The following KCNN2 variants were observed in gnomAD, a reference collection of about 807,000 sequenced individuals.
The protein encoded by KCNN2 is small conductance calcium-activated potassium channel protein 2.
A neutral mutation model predicts 55.5 loss-of-function variants in KCNN2; 24 were observed. That is an observed-to-expected ratio of 0.43 (90% CI 0.31 to 0.61). KCNN2 has a LOEUF of 0.61. Ranked by LOEUF, KCNN2 falls within the 20% of genes least tolerant of loss-of-function variation. The probability of loss-of-function intolerance (pLI) is 0.08; values close to 1 mark genes in which losing one functional copy is unlikely to be tolerated. For missense variants in KCNN2, 754 were observed against 853.6 expected, an observed-to-expected ratio of 0.88 and a Z score of 1.45; for synonymous variants, 431 against 336.1, an observed-to-expected ratio of 1.28 and a Z score of -3.09.
intron 2 of KCNN2, among the ~76,000 whole-genome samples, chr5:114,259,800 T>C (rs1755066344): frequency 6.6e-6 from 1 of 152,108 alleles, no homozygotes; most frequent in Admixed American, 6.5e-5. Context: ...TGTTTCCTTC[T>C]TTTGCTGTGC....
chr5:114,476,870 A>T (rs1761992319), intron 5 of KCNN2, among the ~76,000 whole-genome samples: 1 of 152,222 alleles, frequency 6.6e-6, no homozygotes, highest in Admixed American at 6.5e-5. Context: ...GCCATTTTAT[A>T]GTCCTCTCAT....
chr5:114,281,012 AC>A (rs1390042838), intron 2 of KCNN2, among the ~76,000 whole-genome samples: 1 of 151,856 alleles, frequency 6.6e-6, no homozygotes, highest in Non-Finnish European at 1.5e-5. Flanking sequence ...AATACCCTAC[AC>A]CCCATATAGT....
intron 1 of KCNN2, among the ~76,000 whole-genome samples, chr5:114,143,470 T>G (rs2112508015): frequency 6.6e-6 from 1 of 152,198 alleles, no homozygotes; most frequent in African/African-American, 2.4e-5. Flanking sequence ...GCCTTAACCC[T>G]AAAGAGGCCT....
intron 2 of KCNN2, among the ~76,000 whole-genome samples, chr5:114,280,360 C>T (rs1372662614): frequency 6.6e-6 from 1 of 152,190 alleles, no homozygotes; most frequent in Non-Finnish European, 1.5e-5. Context: ...GTGTTTTAGT[C>T]AAGAAGTCCT....
intron 2 of KCNN2, among the ~76,000 whole-genome samples, chr5:114,269,460 A>T: frequency 6.7e-6 from 1 of 148,964 alleles, no homozygotes; most frequent in African/African-American, 2.5e-5. Flanking sequence ...TTCCTATCTG[A>T]TTAAGTCACA....
exon 1 of KCNN2, chr5:114,056,165 C>T (rs1750201142): frequency 1.3e-5 from 5 of 391,218 alleles, no homozygotes; most frequent in Non-Finnish European, 2.3e-5. Flanking sequence ...AAAAGTTGGA[C>T]CCCAATCAGC....
At chr5:114,384,599 C>T (rs1210023568) in intron 2 of KCNN2, among the ~76,000 whole-genome samples, 1 of 152,164 alleles carries the variant, frequency 6.6e-6, no homozygotes, top group East Asian at 1.9e-4. Flanking sequence ...GACAGATATT[C>T]GACCAAATTA....
chr5:114,134,302 T>C (rs1386875340), intron 1 of KCNN2, among the ~76,000 whole-genome samples: 1 of 151,226 alleles, frequency 6.6e-6, no homozygotes. Flanking sequence ...GGGTCCTTAA[T>C]ATTTATTGGG....
At chr5:114,301,563 A>T (rs1433454772) in intron 2 of KCNN2, among the ~76,000 whole-genome samples, 2 of 152,080 alleles carry the variant, frequency 1.3e-5, no homozygotes, top group Admixed American at 6.6e-5. Flanking sequence ...TCACCTTTCC[A>T]GGAGGTGGGA....
At chr5:114,417,102 G>T (rs1021165114) in intron 3 of KCNN2, among the ~76,000 whole-genome samples, 1 of 152,166 alleles carries the variant, frequency 6.6e-6, no homozygotes, top group African/African-American at 2.4e-5. Context: ...GGCATCTTAC[G>T]AAATGAAACA....
At chr5:114,392,630 A>G (rs1229208861) in intron 2 of KCNN2, among the ~76,000 whole-genome samples, 1 of 152,010 alleles carries the variant, frequency 6.6e-6, no homozygotes, top group Non-Finnish European at 1.5e-5. Flanking sequence ...TGGGCTGAGG[A>G]TCTTGGAGGA....
rs565616102 is a variant in KCNN2 at position 114,223,192 on chromosome 5, C to T, written c.-185+1627C>T. Among the ~76,000 whole-genome samples the T allele has an allele frequency of 3.9e-5, 6 of 152,264 alleles. No individual in the cohort carries two copies. In the South Asian group the frequency reaches 6.2e-4, roughly 16 times the overall value. ...ATACATGTCAATTGATAGCATCCAT[C>T]GTTTGACACTAACAGTTTTGAAGGT... On this transcript the variant is annotated intron_variant, in intron 2 of 10. Coordinates refer to the KCNN2 transcript ENST00000512097.
chr5:114,243,745 G>T (rs1051574980), intron 2 of KCNN2, among the ~76,000 whole-genome samples: 1 of 152,152 alleles, frequency 6.6e-6, no homozygotes, highest in Non-Finnish European at 1.5e-5. Flanking sequence ...ACAAGGTTTG[G>T]TATGTGGTTT....
At chr5:114,285,281 T>TC (rs1251318884) in intron 2 of KCNN2, among the ~76,000 whole-genome samples, 1 of 41,334 alleles carries the variant, frequency 2.4e-5, no homozygotes, top group Non-Finnish European at 3.9e-5. Flanking sequence ...AGACTCCATC[T>TC]CCAAAAAAAA....
intron 2 of KCNN2, among the ~76,000 whole-genome samples, chr5:114,381,819 T>A (rs752170530): frequency 1.3e-5 from 2 of 152,196 alleles, no homozygotes; most frequent in Admixed American, 6.5e-5. Context: ...ATCTTTTTGC[T>A]TGTAAGCAAC....
At chr5:114,347,285 A>G (rs1415599599) in intron 2 of KCNN2, among the ~76,000 whole-genome samples, 2 of 152,198 alleles carry the variant, frequency 1.3e-5, no homozygotes, top group Non-Finnish European at 2.9e-5. Context: ...CTAACTGTGG[A>G]GGGAGAAACA....
At chr5:114,246,751 A>G (rs115712529) in intron 2 of KCNN2, among the ~76,000 whole-genome samples, 4,535 of 152,222 alleles carry the variant, frequency 0.03, 229 homozygotes, top group African/African-American at 0.1. Flanking sequence ...AATGAATAAG[A>G]CAATATTATT....
chr5:114,461,270 A>C (rs775622706), intron 3 of KCNN2, among the ~76,000 whole-genome samples: 1 of 152,162 alleles, frequency 6.6e-6, no homozygotes, highest in Middle Eastern at 3.2e-3. Flanking sequence ...CTAGGAATAC[A>C]TATGACTTTC....
At chr5:114,154,218 TGA>T (rs1332563067) in intron 1 of KCNN2, among the ~76,000 whole-genome samples, 1 of 151,850 alleles carries the variant, frequency 6.6e-6, no homozygotes, top group Non-Finnish European at 1.5e-5. Context: ...GACTGAACAG[TGA>T]GAATAAAAAG....
Sources: gnomAD v4.1 joint callset for allele counts (sites outside exome capture counted in the v4.1 genomes callset) on GRCh38, gnomAD v4.1.1 for gene constraint, MANE v1.5 for transcripts, NCBI Gene and HGNC (gene_info 2026-07-23, HGNC 2026-07-21) for gene names.